GPR63: variants seen among roughly 807,000 people sequenced by gnomAD.
The protein encoded by GPR63 is G protein-coupled receptor 63, also known as probable G protein-coupled receptor 63.
Under a neutral mutation model 23.1 loss-of-function variants are expected in GPR63, and 12 were observed. The ratio of observed to expected loss-of-function variants is 0.52; its 90% CI spans 0.33 to 0.84. The LOEUF is 0.84. Ranked by LOEUF, GPR63 falls within the 40% of genes least tolerant of loss-of-function variation. The pLI, the probability that GPR63 is intolerant of heterozygous loss-of-function variation, is 0.02. For missense variants in GPR63, 472 were observed against 515.6 expected, an observed-to-expected ratio of 0.92 and a Z score of 0.82; for synonymous variants, 172 against 191.1, an observed-to-expected ratio of 0.90 and a Z score of 0.82.
intron 1 of GPR63, among the ~76,000 whole-genome samples, chr6:96,820,427 C>T (rs551045296): frequency 1.3e-5 from 2 of 151,854 alleles, no homozygotes; most frequent in Non-Finnish European, 2.9e-5. Flanking sequence ...TTTGTTATCC[C>T]CTAAAGAATA....
intron 1 of GPR63, among the ~76,000 whole-genome samples, chr6:96,800,342 G>A (rs1013174494): frequency 6.6e-6 from 1 of 151,978 alleles, no homozygotes; most frequent in Admixed American, 6.6e-5. Flanking sequence ...CACAAAACCA[G>A]ATGACAAAGA....
chr6:96,828,917 G>A lies in GPR63; in HGVS notation c.-151+8351C>T, dbSNP rs187021566. On this transcript the variant is annotated intron_variant, in intron 1 of 1. Coordinates refer to ENST00000229955, the MANE Select transcript of GPR63 (RefSeq NM_030784.4). ...TTCAAACAATACTATTAGAGATACA[G>A]AAGGTATGACATATGACAAAAGGGT... is the stretch of plus-strand genomic sequence containing the variant. 1.8e-3 allele frequency among the ~76,000 whole-genome samples: 278 copies of A among 152,232 alleles called. 1 individual carries two copies. The highest frequency in any genetic ancestry group is 6.3e-3 in the African/African-American group (263 of 41,564).
chr6:96,821,202 C>G (rs1774304976), intron 1 of GPR63, among the ~76,000 whole-genome samples: 1 of 152,184 alleles, frequency 6.6e-6, no homozygotes, highest in South Asian at 2.1e-4. Flanking sequence ...TAGCAAATGT[C>G]AAGTATTGAC....
Position 96,799,044 on chromosome 6 carries a change from C to T in GPR63, c.688G>A (p.Val230Met), listed in dbSNP as rs753904599. ...CCTGGATTGGTTGTGTACCCAAACA[C>T]ACACTGGGGAGCTCGGGAAGGTATC... Reference protein sequence around the residue: ...LQIPSRAPQCVFGYTTNPGYQ... With the variant: ...LQIPSRAPQCMFGYTTNPGYQ... The change falls in exon 2 of 2, where the codon GTG (valine) becomes ATG (methionine). Residue 230 changes from valine (V) to methionine (M), a missense_variant. Transcript: ENST00000229955. The T allele has an allele frequency of 1.2e-6, 2 of 1,614,180 alleles. No homozygotes were observed. Among genetic ancestry groups the T allele is most frequent in the Non-Finnish European group, 1.7e-6 (2 of 1,180,022 alleles).
chr6:96,823,318 G>A (rs985883514), intron 1 of GPR63, among the ~76,000 whole-genome samples: 4 of 152,166 alleles, frequency 2.6e-5, no homozygotes, highest in South Asian at 2.1e-4. Context: ...AAGACCTTCC[G>A]GTGGGACAAG....
At chr6:96,817,864 G>C (rs1397015765) in intron 1 of GPR63, among the ~76,000 whole-genome samples, 6 of 151,312 alleles carry the variant, frequency 4.0e-5, no homozygotes, top group Non-Finnish European at 7.4e-5. Context: ...GTTTCTGGGA[G>C]GTTCATATAT....
chr6:96,797,115 CA>C lies in GPR63; in HGVS notation c.*1356del, dbSNP rs1773602737. The C allele has an allele frequency of 2.6e-5, 4 of 151,942 alleles. No individual in the cohort carries two copies. The highest frequency in any genetic ancestry group is 2.6e-4 in the Admixed American group (4 of 15,254). The allele number at this position is 151,942 out of a possible 1,614,324, so 9.4% of individuals were successfully genotyped here. A position where few individuals can be genotyped will look rare whatever the true frequency, so the allele number is the denominator to read the frequency against. On this transcript the variant is annotated 3_prime_UTR_variant, in exon 2 of 2. Transcript: ENST00000229955. Reference sequence around the variant, plus strand: ...GTGTGTGCGTGTGTGTGTGTGGTTCCAGCTATTCAGGAGGCTGAGACAGGAG... The same window carrying C: ...GTGTGTGCGTGTGTGTGTGTGGTTCCGCTATTCAGGAGGCTGAGACAGGAG...
At chr6:96,816,803 G>GT (rs1774176724) in intron 1 of GPR63, among the ~76,000 whole-genome samples, 1 of 152,146 alleles carries the variant, frequency 6.6e-6, no homozygotes, top group Non-Finnish European at 1.5e-5. Flanking sequence ...GGAAGCTGGC[G>GT]TTCTGGGTTC....
chr6:96,825,243 T>C (rs1448512291), intron 1 of GPR63, among the ~76,000 whole-genome samples: 1 of 152,102 alleles, frequency 6.6e-6, no homozygotes, highest in East Asian at 1.9e-4. Context: ...GCCCAAATGC[T>C]GAGTTTGTAT....
chr6:96,801,303 G>T (rs1223973327), intron 1 of GPR63, among the ~76,000 whole-genome samples: 2 of 151,580 alleles, frequency 1.3e-5, no homozygotes, highest in South Asian at 2.1e-4. Flanking sequence ...GGGTTCAAGC[G>T]GTTCTCCTAC....
At chr6:96,832,567 C>G (rs142008212) in intron 1 of GPR63, among the ~76,000 whole-genome samples, 7 of 152,116 alleles carry the variant, frequency 4.6e-5, no homozygotes, top group Non-Finnish European at 7.4e-5. Context: ...ATGGCCATGC[C>G]TGGCCTCTAA....
intron 1 of GPR63, among the ~76,000 whole-genome samples, chr6:96,826,146 A>G (rs1055991085): frequency 1.3e-5 from 2 of 152,232 alleles, no homozygotes; most frequent in South Asian, 4.1e-4. Context: ...CTTGCTTTTG[A>G]GAATATAAAT....
chr6:96,830,785 C>A (rs1774560315), intron 1 of GPR63, among the ~76,000 whole-genome samples: 1 of 152,192 alleles, frequency 6.6e-6, no homozygotes, highest in South Asian at 2.1e-4. Flanking sequence ...ATTTAGCCAT[C>A]AGTGTTTAAG....
intron 1 of GPR63, among the ~76,000 whole-genome samples, chr6:96,819,685 A>C (rs1476298186): frequency 6.6e-6 from 1 of 151,934 alleles, no homozygotes; most frequent in African/African-American, 2.4e-5. Flanking sequence ...AAGTAAAATA[A>C]AATAAAAAGA....
At position 96,799,338 on chromosome 6, in the gene GPR63, C is replaced by T; in HGVS notation, c.394G>A (p.Val132Met). 2 of 1,614,166 alleles carry T rather than the reference C, an allele frequency of 1.2e-6. No individual in the cohort carries two copies. The highest frequency in any genetic ancestry group is 4.5e-5 in the East Asian group (2 of 44,872). Residue 132 changes from valine to methionine, a missense_variant, in exon 2 of 2, where the codon GTG becomes ATG. Physicochemically the swap from Val to Met is conservative, Grantham distance 21. Transcript: ENST00000229955. ...ACCAGGGCAAAGGGCATGTTCAGCA[C>T]TGCAAGCAACATGTCTGCAAAAGCT... ...SLAFADMLLA[V>M]LNMPFALVTI... is the part of the protein sequence containing the mutation.
chr6:96,801,371 G>C (rs1773761353), intron 1 of GPR63, among the ~76,000 whole-genome samples: 2 of 152,030 alleles, frequency 1.3e-5, no homozygotes, highest in Non-Finnish European at 1.5e-5. Flanking sequence ...GGCTAATTTT[G>C]TATTTTTAGT....
chr6:96,828,187 A>G (rs1774490564), intron 1 of GPR63, among the ~76,000 whole-genome samples: 1 of 152,100 alleles, frequency 6.6e-6, no homozygotes, highest in Non-Finnish European at 1.5e-5. Flanking sequence ...TCAAGGTACT[A>G]TCGGGATGCA....
intron 1 of GPR63, among the ~76,000 whole-genome samples, chr6:96,816,527 C>A (rs1774169378): frequency 6.6e-6 from 1 of 152,108 alleles, no homozygotes. Context: ...CTGAGAGCCA[C>A]CAAAGCAGGG....
rs781083079 is a variant in GPR63 at position 96,798,639 on chromosome 6, C to A, written c.1093G>T (p.Ala365Ser). The A allele has an allele frequency of 1.2e-6, 2 of 1,614,242 alleles. No homozygotes were observed. Among genetic ancestry groups the A allele is most frequent in the South Asian group, 1.1e-5 (1 of 91,090 alleles). The part of the protein sequence containing the change: ...WLLWLCYLKS[A>S]LNPLIYYWRI... The stretch of plus-strand genomic sequence containing the variant: ...CAGTAGTAGATCAGCGGATTCAATG[C>A]AGACTTGAGGTAGCAGAGCCACAGT... The change falls in exon 2 of 2, where the codon GCA (alanine) becomes TCA (serine). Residue 365 changes from alanine (A) to serine (S), a missense_variant. By Grantham distance (99) the Ala-to-Ser change is moderately conservative. Coordinates refer to ENST00000229955, the MANE Select transcript of GPR63 (RefSeq NM_030784.4).
Sources: allele counts gnomAD v4.1 joint callset (sites outside exome capture counted in the v4.1 genomes callset), GRCh38; gene constraint gnomAD v4.1.1; transcripts MANE v1.5; gene names NCBI Gene and HGNC (gene_info 2026-07-23, HGNC 2026-07-21).